IDNK: variants seen among roughly 807,000 people sequenced by gnomAD.
The protein encoded by IDNK is gluconokinase.
Under a neutral mutation model 13.0 loss-of-function variants are expected in IDNK, and 9 were observed. That is an observed-to-expected ratio of 0.69 (90% CI 0.42 to 1.21). The LOEUF is 1.21. Ranked by LOEUF, IDNK falls within the 50% of genes most tolerant of loss-of-function variation. The pLI, the probability that IDNK is intolerant of heterozygous loss-of-function variation, is 0.00. For missense variants in IDNK, 210 were observed against 237.8 expected (o/e 0.88, Z 0.77); for synonymous variants, 92 against 94.9 (o/e 0.97, Z 0.18).
intron 4 of IDNK, 79 bp from the exon 5 acceptor site, chr9:83,643,350 T>C: frequency 8.6e-7 from 1 of 1,164,940 alleles, no homozygotes; most frequent in Non-Finnish European, 1.2e-6. Context: ...ACTAGAGTCC[T>C]GCAACTAGAA....
chr9:83,639,964 C>T (rs1230488585), intron 3 of IDNK, among the ~76,000 whole-genome samples: 1 of 152,210 alleles, frequency 6.6e-6, no homozygotes. Flanking sequence ...GAATCTGCTC[C>T]TGCTGTGTGG....
At chr9:83,624,415 A>G (rs975810712) in intron 1 of IDNK, among the ~76,000 whole-genome samples, 6 of 152,208 alleles carry the variant, frequency 3.9e-5, no homozygotes, top group African/African-American at 1.4e-4. Flanking sequence ...ACTCTATGTC[A>G]TTGTCATATA....
At position 83,643,517 on chromosome 9, in the gene IDNK, G is replaced by A; in HGVS notation, c.301G>A (p.Val101Ile). 6.2e-7 allele frequency: 1 copy of A among 1,613,922 alleles called. No homozygotes were observed. Among genetic ancestry groups the A allele is most frequent in the Non-Finnish European group, 8.5e-7 (1 of 1,179,974 alleles). Reference sequence around the variant, plus strand: ...CATATTAACACAAGGAAAAGATGGTGTAGCTCTGAAGTGTGAGGAGTCGGG... The same window carrying A: ...CATATTAACACAAGGAAAAGATGGTATAGCTCTGAAGTGTGAGGAGTCGGG... ...RDILTQGKDG[V>I]ALKCEESGKE... The change falls in exon 5 of 5, where the codon GTA (valine) becomes ATA (isoleucine). Residue 101 changes from valine (V) to isoleucine (I), a missense_variant. Transcript: ENST00000376419.
chr9:83,628,303 C>A, intron 2 of IDNK, 92 bp downstream of exon 2: 1 of 1,132,800 alleles, frequency 8.8e-7, no homozygotes, highest in Non-Finnish European at 1.3e-6. Flanking sequence ...TGTACAGACA[C>A]TTCCACATGG....
Position 83,643,420 on chromosome 9 carries a change from T to C in IDNK, c.213-9T>C, listed in dbSNP as rs748097043. On this transcript the variant is annotated splice_polypyrimidine_tract_variant and intron_variant, in intron 4 of 4. Coordinates refer to ENST00000376419, the MANE Select transcript of IDNK (RefSeq NM_001001551.4). ...AGCCTCCCTCTTTTTTTTTTCTTTT[T>C]CTAAACAGAGATGTAGCCTCGGGAC... 6.4e-7 allele frequency: 1 copy of C among 1,568,634 alleles called. No homozygotes were observed. Among genetic ancestry groups the C allele is most frequent in the Non-Finnish European group, 8.6e-7 (1 of 1,158,434 alleles).
intron 3 of IDNK, 24 bp from the exon 4 acceptor site, chr9:83,641,524 G>GGTTTTT (rs772868803): frequency 6.2e-7 from 1 of 1,613,382 alleles, no homozygotes; most frequent in Non-Finnish European, 8.5e-7. Flanking sequence ...GTTGTGTCTG[G>GGTTTTT]GTTTTTGTTT....
chr9:83,643,745 A>G lies in IDNK; in HGVS notation c.529A>G (p.Ile177Val). The change falls in exon 5 of 5, where the codon ATT becomes GTT. Residue 177 changes from isoleucine (I) to valine (V), a missense_variant. Transcript: ENST00000376419. ...ISVDKNVSEI[I>V]ATIMETLKMK is the part of the protein sequence containing the mutation. ...TGTGGACAAAAATGTTTCAGAGATA[A>G]TTGCTACAATTATGGAAACCCTAAA... 1 of 1,612,482 alleles carries G rather than the reference A, an allele frequency of 6.2e-7. No individual in the cohort carries two copies. The highest frequency in any genetic ancestry group is 8.5e-7 in the Non-Finnish European group (1 of 1,179,302).
At chr9:83,639,904 C>T (rs978020318) in intron 3 of IDNK, among the ~76,000 whole-genome samples, 2 of 152,150 alleles carry the variant, frequency 1.3e-5, no homozygotes, top group East Asian at 1.9e-4. Context: ...CCTACAGATA[C>T]GAACTGTGTT....
rs377236774 is a variant in IDNK, at chr9:83,626,660, G to A, written c.51-1521G>A. ...CCGAACTCCTGGCCTCAAGTGATCC[G>A]CCTGCCTCAGCCTCCCAAAGTGCTG... On this transcript the variant is annotated intron_variant, in intron 1 of 4. Coordinates refer to ENST00000376419, the MANE Select transcript of IDNK (RefSeq NM_001001551.4). 3.5e-4 allele frequency: 430 copies of A among 1,233,852 alleles called. 2 individuals carry two copies. The African/African-American group carries it at 5.7e-3, about 16-fold the overall frequency. The allele number at this position is 1,233,852 out of a possible 1,614,324, so 76.4% of individuals were successfully genotyped here. A position where few individuals can be genotyped will look rare whatever the true frequency, so the allele number is the denominator to read the frequency against.
chr9:83,633,316 G>A (rs1317303477), intron 3 of IDNK, among the ~76,000 whole-genome samples: 1 of 151,962 alleles, frequency 6.6e-6, no homozygotes, highest in Non-Finnish European at 1.5e-5. Context: ...TCCAGCCTGG[G>A]TGACAGAGCA....
At chr9:83,628,819 T>C in intron 2 of IDNK, 54 bp from the exon 3 acceptor site, 2 of 1,227,032 alleles carry the variant, frequency 1.6e-6, no homozygotes, top group Non-Finnish European at 2.4e-6. Context: ...CCACAATGAC[T>C]ATCACATTGG....
chr9:83,636,515 CAG>C (rs1222722758), intron 3 of IDNK, among the ~76,000 whole-genome samples: 4 of 152,138 alleles, frequency 2.6e-5, no homozygotes, highest in Non-Finnish European at 5.9e-5. Context: ...TTTCTCTTCA[CAG>C]AGTGTCCAGA....
At chr9:83,630,519 GGAAGTATTAAATGA>G (rs1564146068) in intron 3 of IDNK, among the ~76,000 whole-genome samples, 1 of 152,098 alleles carries the variant, frequency 6.6e-6, no homozygotes, top group East Asian at 1.9e-4. Flanking sequence ...TTGGATTCTT[GGAAGTATTAAATGA>G]GATAATACAA....
chr9:83,626,495 C>A (rs763698280), intron 1 of IDNK: 2 of 385,686 alleles, frequency 5.2e-6, no homozygotes, highest in South Asian at 3.8e-5. Flanking sequence ...CGGCTCACTG[C>A]AACCTCTGCC....
intron 1 of IDNK, chr9:83,623,672 C>G (rs1232057403): frequency 1.1e-5 from 2 of 174,146 alleles, no homozygotes; most frequent in Non-Finnish European, 2.5e-5. Context: ...CGGCCTCCTC[C>G]TATGAGGCCC....
At position 83,643,737 on chromosome 9, in the gene IDNK, C is replaced by G; in HGVS notation, c.521C>G (p.Ser174Ter). Residue 174 changes from serine to a stop codon, truncating the protein, a stop_gained, in exon 5 of 5, where the codon TCA (serine) becomes TGA (stop). Transcript: ENST00000376419. LOFTEE classifies it low-confidence loss of function (END_TRUNC). Reference sequence around the variant, plus strand: ...CAAATAAGTGTGGACAAAAATGTTTCAGAGATAATTGCTACAATTATGGAA... The same window carrying G: ...CAAATAAGTGTGGACAAAAATGTTTGAGAGATAATTGCTACAATTATGGAA... ...FIQISVDKNV[S>*]EIIATIMETL... 1 of 1,613,064 alleles carries G rather than the reference C, an allele frequency of 6.2e-7. No homozygotes were observed. Among genetic ancestry groups the G allele is most frequent in the Non-Finnish European group, 8.5e-7 (1 of 1,179,716 alleles).
At chr9:83,627,468 CTG>C (rs1830885874) in intron 1 of IDNK, among the ~76,000 whole-genome samples, 1 of 151,846 alleles carries the variant, frequency 6.6e-6, no homozygotes. Flanking sequence ...GGTGAGAAAA[CTG>C]AGGTTTAAAG....
chr9:83,632,955 T>C (rs1285644312), intron 3 of IDNK, among the ~76,000 whole-genome samples: 1 of 152,216 alleles, frequency 6.6e-6, no homozygotes, highest in Non-Finnish European at 1.5e-5. Flanking sequence ...CCTAGCACCT[T>C]TACAATAAGG....
intron 3 of IDNK, among the ~76,000 whole-genome samples, chr9:83,637,056 C>T (rs1157544361): frequency 6.6e-6 from 1 of 152,222 alleles, no homozygotes; most frequent in African/African-American, 2.4e-5. Flanking sequence ...TAAGTACATA[C>T]ATGACAGTAA....
Sources: gnomAD v4.1 joint callset for allele counts (sites outside exome capture counted in the v4.1 genomes callset) on GRCh38, gnomAD v4.1.1 for gene constraint, MANE v1.5 for transcripts, NCBI Gene and HGNC (gene_info 2026-07-23, HGNC 2026-07-21) for gene names.